GEN1: variants seen among roughly 807,000 people sequenced by gnomAD.
GEN1 encodes GEN1 structure-specific endonuclease, also known as flap endonuclease GEN homolog 1.
In GEN1, 64 loss-of-function variants were observed where a neutral mutation model predicts 67.6. That is an observed-to-expected ratio of 0.95 (90% CI 0.77 to 1.17). The LOEUF is 1.17. Among genes scored for constraint, GEN1 ranks in the 50% most tolerant of loss-of-function variants. GEN1 has a pLI of 0.00. For synonymous variants in GEN1, 371 were observed against 359.4 expected, an observed-to-expected ratio of 1.03 and a Z score of -0.37; for missense variants, 1,058 against 1,048.3, an observed-to-expected ratio of 1.01 and a Z score of -0.13.
rs1343545199 is a variant in GEN1, at chr2:17,784,635, A to G, written c.*2696A>G. 6.6e-6 allele frequency: 1 copy of G among 152,252 alleles called. No individual in the cohort carries two copies. The highest frequency in any genetic ancestry group is 2.4e-5 in the African/African-American group (1 of 41,472). 9.4% of individuals were successfully genotyped at this position (152,252 alleles called of 1,614,324 possible). A position where few individuals can be genotyped will look rare whatever the true frequency, so the allele number is the denominator to read the frequency against. On this transcript the variant is annotated 3_prime_UTR_variant, in exon 14 of 14. Coordinates refer to ENST00000381254, the MANE Select transcript of GEN1 (RefSeq NM_001130009.3). ...TGCTAAGCATTCAACTAGATTATTT[A>G]CAAACCTTGTATCATCTCAACTCTT...
intron 6 of GEN1, chr2:17,770,991 T>TG (rs1258181163): frequency 1.6e-6 from 1 of 628,508 alleles, no homozygotes; most frequent in African/African-American, 1.8e-5. Flanking sequence ...TCTCCTGTCT[T>TG]GCAGTTCTGC....
rs1411555527 is a variant in GEN1 at position 17,781,075 on chromosome 2, C to G, written c.1863C>G (p.Ile621Met). Reference sequence around the variant, plus strand: ...AAGTTGAATCAGAGCTATCAGCCATCCCTGATGGCTTTGAAAATATCCCAG... The same window carrying G: ...AAGTTGAATCAGAGCTATCAGCCATGCCTGATGGCTTTGAAAATATCCCAG... ...KSEVESELSA[I>M]PDGFENIPEQ... Residue 621 changes from isoleucine to methionine, a missense_variant, in exon 14 of 14, where the codon ATC becomes ATG. Coordinates refer to ENST00000381254, the MANE Select transcript of GEN1 (RefSeq NM_001130009.3). 9.9e-6 allele frequency: 16 copies of G among 1,613,508 alleles called. No homozygotes were observed. The highest frequency in any genetic ancestry group is 1.4e-5 in the Non-Finnish European group (16 of 1,179,588).
intron 5 of GEN1, among the ~76,000 whole-genome samples, chr2:17,767,851 TTAAAGC>T: frequency 6.6e-6 from 1 of 152,350 alleles, no homozygotes; most frequent in South Asian, 2.1e-4. Context: ...CTTCAAAAAC[TTAAAGC>T]TAATGCTAAT....
At position 17,759,910 on chromosome 2, in the gene GEN1, A is replaced by G. The variant is rs765453698; in HGVS notation, c.-15-19A>G. 52 of 1,604,124 alleles carry G rather than the reference A, an allele frequency of 3.2e-5. No individual in the cohort carries two copies. The highest frequency in any genetic ancestry group is 8.5e-5 in the Admixed American group (5 of 59,160). On this transcript the variant is annotated intron_variant, in intron 1 of 13. Coordinates refer to ENST00000381254, the MANE Select transcript of GEN1 (RefSeq NM_001130009.3). ...CTGTTTCTTTAACAATATTTTGTAA[A>G]GTGTGTTTCACATAACAGCAGATAA...
chr2:17,760,339 A>T (rs1671616424), intron 2 of GEN1, among the ~76,000 whole-genome samples: 1 of 152,196 alleles, frequency 6.6e-6, no homozygotes, highest in African/African-American at 2.4e-5. Context: ...ATCCACTAGG[A>T]TGCTTCAGAT....
At chr2:17,754,826 C>A (rs1671333114) in intron 1 of GEN1, 1 of 152,348 alleles carries the variant, frequency 6.6e-6, no homozygotes, top group East Asian at 1.9e-4. Flanking sequence ...AGAGTGTAAA[C>A]CCCCTAAATA....
In GEN1 at chr2:17,780,739, G is replaced by A. The variant is rs1465941666; in HGVS notation, c.1527G>A (p.Ser509=). 2.5e-6 allele frequency: 4 copies of A among 1,613,828 alleles called. No individual in the cohort carries two copies. Among genetic ancestry groups the A allele is most frequent in the Admixed American group, 3.3e-5 (2 of 60,002 alleles). ...ATAAGCAGAATTCCAAGTTAAATTCGGGGATTTCCCCTGATCCTACATTAC... is the reference window on the plus strand; with the variant it reads ...ATAAGCAGAATTCCAAGTTAAATTCAGGGATTTCCCCTGATCCTACATTAC... The part of the protein sequence containing the change: ...IFHKQNSKLN[S]GISPDPTLPQ... Residue 509 remains serine (S), a synonymous_variant, in exon 14 of 14, where the codon TCG becomes TCA. Coordinates refer to ENST00000381254, the MANE Select transcript of GEN1 (RefSeq NM_001130009.3).
chr2:17,773,842 C>A (rs1264923317), intron 10 of GEN1, among the ~76,000 whole-genome samples: 1 of 151,828 alleles, frequency 6.6e-6, no homozygotes, highest in Non-Finnish European at 1.5e-5. Context: ...TGGGTACTTA[C>A]AAGTACCAGC....
At position 17,786,465 on chromosome 2, in the gene GEN1, A is replaced by T. The variant is rs1279832310; in HGVS notation, c.*4526A>T. 1 of 152,220 alleles carries T rather than the reference A, an allele frequency of 6.6e-6. No individual in the cohort carries two copies. The highest frequency in any genetic ancestry group is 1.5e-5 in the Non-Finnish European group (1 of 68,042). 9.4% of individuals were successfully genotyped at this position (152,220 alleles called of 1,614,324 possible). A position where few individuals can be genotyped will look rare whatever the true frequency, so the allele number is the denominator to read the frequency against. ...AAATATAATGTGGTAACTAATATTC[A>T]TCTAATCACCTACCACATTTTTGGA... On this transcript the variant is annotated 3_prime_UTR_variant, in exon 14 of 14. Coordinates refer to ENST00000381254, the MANE Select transcript of GEN1 (RefSeq NM_001130009.3).
rs535285033 is a variant in GEN1 at position 17,767,719 on chromosome 2, G to T, written c.637-1019G>T. 3.3e-5 allele frequency among the ~76,000 whole-genome samples: 5 copies of T among 152,268 alleles called. No individual in the cohort carries two copies. The South Asian group carries it at 1.0e-3, about 32-fold the overall frequency. ...ACAGAAACCAACTTTAGCTACAGTG[G>T]TATTTAAATTATGCATTAGCCATAG... On this transcript the variant is annotated intron_variant, in intron 5 of 13. Transcript: ENST00000381254.
intron 3 of GEN1, among the ~76,000 whole-genome samples, chr2:17,764,068 A>G (rs1001193967): frequency 6.6e-6 from 1 of 152,238 alleles, no homozygotes; most frequent in Non-Finnish European, 1.5e-5. Context: ...ATAAGGCCAG[A>G]CTACAAGCTA....
At chr2:17,769,157 C>T (rs1238797094) in intron 6 of GEN1, among the ~76,000 whole-genome samples, 1 of 151,942 alleles carries the variant, frequency 6.6e-6, no homozygotes, top group Non-Finnish European at 1.5e-5. Context: ...GTAACTGGGA[C>T]AACAGATATG....
chr2:17,754,672 CG>C (rs1322527459), intron 1 of GEN1: 3 of 152,280 alleles, frequency 2.0e-5, no homozygotes, highest in African/African-American at 7.2e-5. Context: ...AAAGCCATCC[CG>C]GGAGAGCCCT....
At chr2:17,772,222 C>T (rs1295397506) in intron 7 of GEN1, among the ~76,000 whole-genome samples, 2 of 152,032 alleles carry the variant, frequency 1.3e-5, no homozygotes, top group Admixed American at 1.3e-4. Flanking sequence ...TCTTTTAATA[C>T]ACTCGTTAAA....
In GEN1 at chr2:17,781,123, A is replaced by C. The variant is rs1215605860; in HGVS notation, c.1911A>C (p.Glu637Asp). 6.2e-7 allele frequency: 1 copy of C among 1,613,876 alleles called. No individual in the cohort carries two copies. The highest frequency in any genetic ancestry group is 2.2e-5 in the East Asian group (1 of 44,868). ...CAGAACAACTGTCCTGTGAATCAGA[A>C]AGGTACACTGCAAACATAAAGAAAG... is the stretch of plus-strand genomic sequence containing the variant. ...NIPEQLSCESERYTANIKKVL... is the reference protein window; with the variant it reads ...NIPEQLSCESDRYTANIKKVL... Residue 637 changes from glutamate (E) to aspartate (D), a missense_variant, in exon 14 of 14, where the codon GAA becomes GAC. Physicochemically the swap from Glu to Asp is conservative, Grantham distance 45. Transcript: ENST00000381254.
At chr2:17,770,127 T>C (rs1672116710) in intron 6 of GEN1, among the ~76,000 whole-genome samples, 1 of 152,092 alleles carries the variant, frequency 6.6e-6, no homozygotes, top group Non-Finnish European at 1.5e-5. Context: ...CATTTGGGAA[T>C]TGTAAAAAAT....
At chr2:17,760,174 C>A in intron 2 of GEN1, 70 bp downstream of exon 2, 1 of 1,402,222 alleles carries the variant, frequency 7.1e-7, no homozygotes, top group South Asian at 1.4e-5. Context: ...TTTTGTTTCA[C>A]CTTTTTTTTT....
rs1436099280 is a variant in GEN1 at position 17,778,315 on chromosome 2, C to T, written c.1264+252C>T. On this transcript the variant is annotated intron_variant, in intron 12 of 13. Transcript: ENST00000381254. ...ATGTGTGTGTACATATATGTATATA[C>T]ACACACACGTGTACATATATGTATA... Among the ~76,000 whole-genome samples the T allele has an allele frequency of 5.2e-3, 178 of 34,266 alleles. 48 individuals carry two copies. Among genetic ancestry groups the T allele is most frequent in the Non-Finnish European group, 6.1e-3 (96 of 15,674 alleles). The allele number at this position is 34,266 out of a possible 152,430, so 22.5% of individuals were successfully genotyped here. A position where few individuals can be genotyped will look rare whatever the true frequency, so the allele number is the denominator to read the frequency against.
At position 17,786,079 on chromosome 2, in the gene GEN1, A is replaced by C. The variant is rs992100284; in HGVS notation, c.*4140A>C. 1 of 152,032 alleles carries C rather than the reference A, an allele frequency of 6.6e-6. No homozygotes were observed. The highest frequency in any genetic ancestry group is 2.4e-5 in the African/African-American group (1 of 41,358). 9.4% of individuals were successfully genotyped at this position (152,032 alleles called of 1,614,324 possible). A position where few individuals can be genotyped will look rare whatever the true frequency, so the allele number is the denominator to read the frequency against. ...GGAGACATTTTCTAACTTTTCTGAG[A>C]CTCATTTATTCAAATGTTTATGTGA... On this transcript the variant is annotated 3_prime_UTR_variant, in exon 14 of 14. Coordinates refer to ENST00000381254, the MANE Select transcript of GEN1 (RefSeq NM_001130009.3).
Sources: allele counts gnomAD v4.1 joint callset (sites outside exome capture counted in the v4.1 genomes callset), GRCh38; gene constraint gnomAD v4.1.1; transcripts MANE v1.5; gene names NCBI Gene and HGNC (gene_info 2026-07-23, HGNC 2026-07-21).